Variants in IPCEF1 observed in about 807,000 individuals in gnomAD.
IPCEF1 encodes interaction protein for cytohesin exchange factors 1, also known as interactor protein for cytohesin exchange factors 1.
IPCEF1 carries 31 observed loss-of-function variants against 50.9 expected under a neutral mutation model. The ratio of observed to expected loss-of-function variants is 0.61; its 90% confidence interval spans 0.46 to 0.82. The LOEUF (loss-of-function observed/expected upper bound fraction) is 0.82, where lower values mean the gene tolerates loss of function less well. IPCEF1 is among the 40% of genes least tolerant of loss of function. IPCEF1 has a pLI of 0.00. For missense variants in IPCEF1, 458 were observed against 514.0 expected (o/e 0.89, Z 1.05); for synonymous variants, 181 against 192.0 (o/e 0.94, Z 0.47).
chr6:154,180,414 A>ATATATATATAT (rs1241250621), intron 10 of IPCEF1, among the ~76,000 whole-genome samples: 10 of 65,266 alleles, frequency 1.5e-4, no homozygotes, highest in African/African-American at 4.8e-4. Context: ...ATATATATAT[A>ATATATATATAT]TTTTTTTTTT....
In IPCEF1 at chr6:154,221,315, T is replaced by C. The variant is rs140211508; in HGVS notation, c.334A>G (p.Ser112Gly). 3.7e-6 allele frequency: 6 copies of C among 1,613,768 alleles called. No individual in the cohort carries two copies. The highest frequency in any genetic ancestry group is 4.2e-6 in the Non-Finnish European group (5 of 1,179,840). ...TAAAAGGTCTTGATCTGTGGATGGC[T>C]GATCTTAAAAGCACTTGAAGGAGGA... ...ECKKKHAFKISHPQIKTFYFA... is the reference protein window; with the variant it reads ...ECKKKHAFKIGHPQIKTFYFA... Residue 112 changes from serine (S) to glycine (G), a missense_variant, in exon 7 of 12, where the codon AGC becomes GGC. By Grantham distance (56) the Ser-to-Gly change is moderately conservative. Coordinates refer to ENST00000367220, the MANE Select transcript of IPCEF1 (RefSeq NM_001130700.2).
chr6:154,228,346 C>G (rs1583852471), intron 5 of IPCEF1, among the ~76,000 whole-genome samples: 1 of 152,066 alleles, frequency 6.6e-6, no homozygotes, highest in East Asian at 1.9e-4. Flanking sequence ...ATGCTGGTAC[C>G]TGCAAGCTTC....
At chr6:154,229,343 C>T (rs1037404420) in intron 5 of IPCEF1, among the ~76,000 whole-genome samples, 5 of 141,050 alleles carry the variant, frequency 3.5e-5, no homozygotes, top group African/African-American at 1.3e-4. Context: ...GAAAAGTTTG[C>T]CGGTTTTTTT....
At chr6:154,203,251 C>A (rs1242066765) in intron 9 of IPCEF1, among the ~76,000 whole-genome samples, 2 of 152,150 alleles carry the variant, frequency 1.3e-5, no homozygotes, top group East Asian at 1.9e-4. Flanking sequence ...ATGAGCCCAA[C>A]CTTCGTGTGT....
chr6:154,245,721 C>T (rs1252075235), intron 5 of IPCEF1, among the ~76,000 whole-genome samples: 1 of 152,126 alleles, frequency 6.6e-6, no homozygotes. Flanking sequence ...CTGATCTTCA[C>T]AGTACTACAA....
intron 2 of IPCEF1, among the ~76,000 whole-genome samples, chr6:154,269,399 T>C (rs953847695): frequency 6.6e-6 from 1 of 152,198 alleles, no homozygotes; most frequent in African/African-American, 2.4e-5. Context: ...AGCTAGGGAT[T>C]GATGTACCTT....
intron 5 of IPCEF1, among the ~76,000 whole-genome samples, chr6:154,238,108 T>C (rs1396343086): frequency 6.6e-6 from 1 of 152,214 alleles, no homozygotes; most frequent in Non-Finnish European, 1.5e-5. Flanking sequence ...AACATGGAAA[T>C]ATGTTTCTAT....
chr6:154,296,556 G>T (rs1171404776), intron 1 of IPCEF1, among the ~76,000 whole-genome samples: 1 of 152,166 alleles, frequency 6.6e-6, no homozygotes, highest in Non-Finnish European at 1.5e-5. Context: ...TCGGCCGGGC[G>T]TGGTGGCTCA....
intron 1 of IPCEF1, among the ~76,000 whole-genome samples, chr6:154,338,844 C>T (rs1783844735): frequency 6.6e-6 from 1 of 152,060 alleles, no homozygotes; most frequent in Non-Finnish European, 1.5e-5. Context: ...ATCGCTTGAG[C>T]CCGGGAGGTG....
chr6:154,305,123 A>AAG (rs1160424190), intron 1 of IPCEF1, among the ~76,000 whole-genome samples: 1 of 151,104 alleles, frequency 6.6e-6, no homozygotes, highest in Non-Finnish European at 1.5e-5. Context: ...TCAAAAAAAA[A>AAG]AAAAGAAAAG....
chr6:154,304,117 G>C (rs554224351), intron 1 of IPCEF1, among the ~76,000 whole-genome samples: 2 of 151,914 alleles, frequency 1.3e-5, no homozygotes, highest in Non-Finnish European at 2.9e-5. Context: ...CAGCTACTTG[G>C]AAGACTGAGT....
intron 3 of IPCEF1, among the ~76,000 whole-genome samples, chr6:154,264,575 G>T (rs981408179): frequency 2.0e-5 from 3 of 152,070 alleles, no homozygotes; most frequent in Non-Finnish European, 4.4e-5. Flanking sequence ...GTTTCACCAT[G>T]TTGGCCAAGC....
intron 1 of IPCEF1, among the ~76,000 whole-genome samples, chr6:154,330,719 A>C (rs1018645950): frequency 4.6e-5 from 7 of 152,160 alleles, no homozygotes; most frequent in African/African-American, 1.4e-4. Context: ...CCTCACAAGT[A>C]TGTTCAGCTG....
rs551619158 is a variant in IPCEF1 at position 154,191,411 on chromosome 6, C to T, written c.910+8257G>A. 6.6e-5 allele frequency among the ~76,000 whole-genome samples: 10 copies of T among 152,152 alleles called. 1 individual carries two copies. In the South Asian group the frequency reaches 2.1e-3, roughly 32 times the overall value. Reference sequence around the variant, plus strand: ...ACCCCATGCCAGGCGCGGTGGCTCACGTCTGTAATCCCAGCACTTTGGGAG... The same window carrying T: ...ACCCCATGCCAGGCGCGGTGGCTCATGTCTGTAATCCCAGCACTTTGGGAG... On this transcript the variant is annotated intron_variant, in intron 10 of 11. Coordinates refer to ENST00000367220, the MANE Select transcript of IPCEF1 (RefSeq NM_001130700.2).
chr6:154,308,166 G>A (rs967158657), intron 1 of IPCEF1, among the ~76,000 whole-genome samples: 9 of 152,316 alleles, frequency 5.9e-5, no homozygotes, highest in South Asian at 2.1e-4. Flanking sequence ...CTAAGCTGGC[G>A]TGCAGTGGTG....
rs1798859228 is a variant in IPCEF1 at position 154,159,765 on chromosome 6, T to C, written c.*63A>G. 4.5e-6 allele frequency: 6 copies of C among 1,322,516 alleles called. No individual in the cohort carries two copies. Among genetic ancestry groups the C allele is most frequent in the Non-Finnish European group, 6.4e-6 (6 of 940,034 alleles). The allele number at this position is 1,322,516 out of a possible 1,614,324, so 81.9% of individuals were successfully genotyped here. ...TTTCCTTTTAAGGAAAAATGTAAGC[T>C]TTTGCAACATCTTGAAGAGTTGCTT... On this transcript the variant is annotated 3_prime_UTR_variant, in exon 12 of 12. Transcript: ENST00000367220.
At chr6:154,335,955 A>T (rs1392900926) in intron 1 of IPCEF1, among the ~76,000 whole-genome samples, 1 of 152,212 alleles carries the variant, frequency 6.6e-6, no homozygotes, top group Admixed American at 6.5e-5. Flanking sequence ...AAATGAAGGA[A>T]AAAACTGCAA....
chr6:154,248,815 G>T (rs1384190397), intron 3 of IPCEF1, among the ~76,000 whole-genome samples: 1 of 152,000 alleles, frequency 6.6e-6, no homozygotes, highest in Non-Finnish European at 1.5e-5. Context: ...ATTTATTTGT[G>T]AAAATCCTCT....
chr6:154,276,487 T>G (rs1430306218), intron 2 of IPCEF1, among the ~76,000 whole-genome samples: 1 of 152,196 alleles, frequency 6.6e-6, no homozygotes, highest in Non-Finnish European at 1.5e-5. Flanking sequence ...GCTCTTATAA[T>G]GATATTTGGC....
Sources: allele counts gnomAD v4.1 joint callset (sites outside exome capture counted in the v4.1 genomes callset), GRCh38; gene constraint gnomAD v4.1.1; transcripts MANE v1.5; gene names NCBI Gene and HGNC (gene_info 2026-07-23, HGNC 2026-07-21).